Variants in HDAC9 observed in about 807,000 individuals in gnomAD.
HDAC9 encodes the protein MEF-2 interacting transcription repressor (MITR) protein.
A neutral mutation model predicts 139.4 loss-of-function variants in HDAC9; 41 were observed. That is an observed-to-expected ratio of 0.29 (90% CI 0.23 to 0.38). HDAC9 has a LOEUF of 0.38. Ranked by LOEUF, HDAC9 falls within the 10% of genes least tolerant of loss-of-function variation. The probability of loss-of-function intolerance (pLI) is 1.00; values close to 1 mark genes in which losing one functional copy is unlikely to be tolerated. For synonymous variants in HDAC9, 517 were observed against 476.2 expected (o/e 1.09, Z -1.12); for missense variants, 1,147 against 1,297.0 (o/e 0.88, Z 1.78).
intron 6 of HDAC9, among the ~76,000 whole-genome samples, chr7:18,596,447 G>A (rs894042682): frequency 3.9e-5 from 6 of 152,040 alleles, no homozygotes; most frequent in Non-Finnish European, 5.9e-5. Context: ...AGAAAATTTA[G>A]ACATATATTT....
chr7:18,772,072 A>G (rs1448636872), intron 16 of HDAC9, among the ~76,000 whole-genome samples: 1 of 152,276 alleles, frequency 6.6e-6, no homozygotes, highest in African/African-American at 2.4e-5. Context: ...GTTCAGAAAA[A>G]TGCTAAGCTA....
At chr7:18,153,670 G>C (rs1232208565) in intron 1 of HDAC9, among the ~76,000 whole-genome samples, 1 of 152,142 alleles carries the variant, frequency 6.6e-6, no homozygotes, top group African/African-American at 2.4e-5. Context: ...TTTAGTTCTA[G>C]GAAGTCAGTG....
intron 12 of HDAC9, among the ~76,000 whole-genome samples, chr7:18,685,828 C>G (rs749587889): frequency 2.8e-4 from 43 of 151,584 alleles, no homozygotes; most frequent in Admixed American, 4.6e-4. Context: ...ATAGCGTGTG[C>G]CAGTATTTAA....
At chr7:18,741,636 T>C (rs1380484053) in intron 13 of HDAC9, among the ~76,000 whole-genome samples, 1 of 152,232 alleles carries the variant, frequency 6.6e-6, no homozygotes, top group Non-Finnish European at 1.5e-5. Context: ...CAAGGAGTCT[T>C]TTAAATTTTT....
chr7:18,938,598 AAAAAAT>A (rs1224418382), intron 23 of HDAC9, among the ~76,000 whole-genome samples: 1 of 152,310 alleles, frequency 6.6e-6, no homozygotes, highest in African/African-American at 2.4e-5. Context: ...TCCGTCTCAA[AAAAAAT>A]AATAATAAAA....
chr7:18,122,736 A>T lies in HDAC9; in HGVS notation c.-97+35523A>T, dbSNP rs546241075. Among the ~76,000 whole-genome samples, 105 of 152,282 alleles carry T rather than the reference A, an allele frequency of 6.9e-4. 1 individual carries two copies. In the South Asian group the frequency reaches 0.02, roughly 29 times the overall value. ...CAAGTTCAAGCGATTCTCCTGCCTC[A>T]GCCTCCTGAGTAGCTGGGATTACAG... On this transcript the variant is annotated intron_variant, in intron 1 of 12. Transcript: ENST00000417496.
At chr7:18,292,218 A>G (rs1797853351) in intron 1 of HDAC9, among the ~76,000 whole-genome samples, 1 of 152,000 alleles carries the variant, frequency 6.6e-6, no homozygotes, top group African/African-American at 2.4e-5. Context: ...TATAATACTT[A>G]ATATTAATAT....
chr7:18,176,737 A>C (rs1476488538), intron 2 of HDAC9, among the ~76,000 whole-genome samples: 1 of 152,074 alleles, frequency 6.6e-6, no homozygotes. Context: ...TGTACAGATT[A>C]TTTCATCATG....
At chr7:18,268,055 T>C in intron 2 of HDAC9, among the ~76,000 whole-genome samples, 1 of 152,182 alleles carries the variant, frequency 6.6e-6, no homozygotes, top group East Asian at 1.9e-4. Context: ...GCTACTCAGT[T>C]ATTGGAATAA....
At chr7:18,294,395 A>G (rs541422724) in intron 1 of HDAC9, among the ~76,000 whole-genome samples, 22 of 152,140 alleles carry the variant, frequency 1.4e-4, no homozygotes, top group Non-Finnish European at 2.9e-4. Context: ...AACATGTGAT[A>G]CATGTTAAGT....
At chr7:18,367,435 A>G (rs1192675773) in intron 1 of HDAC9, among the ~76,000 whole-genome samples, 3 of 152,114 alleles carry the variant, frequency 2.0e-5, no homozygotes, top group Non-Finnish European at 4.4e-5. Flanking sequence ...CTCTGTAGAA[A>G]CCAAACAGAA....
chr7:18,650,255 G>T (rs1468659912), intron 11 of HDAC9, among the ~76,000 whole-genome samples: 3 of 152,036 alleles, frequency 2.0e-5, no homozygotes, highest in Non-Finnish European at 2.9e-5. Flanking sequence ...GGAAGATTAG[G>T]GATCGTATTT....
chr7:18,481,626 C>T (rs1021284708), intron 1 of HDAC9, among the ~76,000 whole-genome samples: 5 of 152,118 alleles, frequency 3.3e-5, no homozygotes, highest in Non-Finnish European at 7.4e-5. Flanking sequence ...AATTTATTTT[C>T]ATTCTAGGCT....
intron 2 of HDAC9, among the ~76,000 whole-genome samples, chr7:18,168,117 C>G (rs1788131205): frequency 1.3e-5 from 2 of 152,114 alleles, no homozygotes; most frequent in African/African-American, 4.8e-5. Context: ...AGTGGGAACT[C>G]TGCAGAAAAT....
chr7:18,588,735 T>G (rs1173053436), intron 3 of HDAC9, among the ~76,000 whole-genome samples: 2 of 152,108 alleles, frequency 1.3e-5, no homozygotes, highest in Non-Finnish European at 2.9e-5. Flanking sequence ...TGGGCGTGTG[T>G]GAAAAAAATA....
intron 22 of HDAC9, among the ~76,000 whole-genome samples, chr7:18,930,483 G>A (rs1057267289): frequency 2.0e-5 from 3 of 151,430 alleles, no homozygotes; most frequent in Non-Finnish European, 2.9e-5. Context: ...ACACACACAC[G>A]TACACATGCC....
intron 2 of HDAC9, among the ~76,000 whole-genome samples, chr7:18,207,178 A>T (rs572403906): frequency 6.6e-6 from 1 of 152,020 alleles, no homozygotes; most frequent in Non-Finnish European, 1.5e-5. Context: ...ACTCAAAGCA[A>T]TCTGCCTGCC....
Position 18,829,471 on chromosome 7 carries a change from T to G in HDAC9, c.2389T>G (p.Phe797Val). 1 of 1,609,972 alleles carries G rather than the reference T, an allele frequency of 6.2e-7. No individual in the cohort carries two copies. Among genetic ancestry groups the G allele is most frequent in the Non-Finnish European group, 8.5e-7 (1 of 1,176,486 alleles). ...TTCTCTATTCCGCAGGGGGTTCTGC[T>G]TTTTTAATTCAGTTGCAATTACCGC... ...AEESTAMGFC[F>V]FNSVAITAKY... Residue 797 changes from phenylalanine to valine, a missense_variant, in exon 19 of 26, where the codon TTT (phenylalanine) becomes GTT (valine). Around this residue, in one of 7 missense-constraint regions of HDAC9, gnomAD observed 407 missense variants for 521.5 expected, o/e 0.78. Transcript: ENST00000686413.
intron 2 of HDAC9, among the ~76,000 whole-genome samples, chr7:18,245,802 G>A (rs549506976): frequency 1.3e-4 from 20 of 152,136 alleles, no homozygotes; most frequent in East Asian, 9.7e-4. Context: ...TTTTGTGCTC[G>A]TTTGTTCACC....
Sources: gnomAD v4.1 joint callset for allele counts (sites outside exome capture counted in the v4.1 genomes callset) on GRCh38, gnomAD v4.1.1 for gene constraint, gnomAD v4.1.1 regional missense constraint, MANE v1.5 for transcripts, NCBI Gene and HGNC (gene_info 2026-07-23, HGNC 2026-07-21) for gene names.